The following SUGCT variants were observed in gnomAD, a reference collection of about 807,000 sequenced individuals.
The protein encoded by SUGCT is succinyl-CoA:glutarate-CoA transferase, also known as succinyl-CoA:glutarate CoA-transferase.
Under a neutral mutation model 55.0 loss-of-function variants are expected in SUGCT, and 41 were observed. That is an observed-to-expected ratio of 0.74 (90% CI 0.58 to 0.97). SUGCT has a LOEUF of 0.97. SUGCT is among the 50% of genes least tolerant of loss of function. The pLI is 0.00. For synonymous variants in SUGCT, 187 were observed against 200.4 expected (o/e 0.93, Z 0.56); for missense variants, 568 against 547.8 (o/e 1.04, Z -0.37).
intron 9 of SUGCT, among the ~76,000 whole-genome samples, chr7:40,365,363 T>G (rs1409281038): frequency 6.6e-6 from 1 of 151,794 alleles, no homozygotes; most frequent in Non-Finnish European, 1.5e-5. Context: ...AAGACAGGGA[T>G]GCCCTCTCTC....
intron 6 of SUGCT, among the ~76,000 whole-genome samples, chr7:40,205,496 C>T (rs908397530): frequency 6.6e-6 from 1 of 151,726 alleles, no homozygotes; most frequent in South Asian, 2.1e-4. Context: ...ACAAAATTAA[C>T]CGGGCATGGT....
chr7:40,685,719 A>G (rs1335534677), intron 12 of SUGCT, among the ~76,000 whole-genome samples: 1 of 79,234 alleles, frequency 1.3e-5, no homozygotes, highest in African/African-American at 5.0e-5. Context: ...ACCTTGTGCT[A>G]GTTGGTTATT....
chr7:40,427,627 T>C (rs1308237634), intron 9 of SUGCT, among the ~76,000 whole-genome samples: 1 of 152,160 alleles, frequency 6.6e-6, no homozygotes, highest in African/African-American at 2.4e-5. Flanking sequence ...TTTAACCTCA[T>C]AATCAGTCAT....
chr7:40,162,916 C>A (rs1245027445), intron 1 of SUGCT, among the ~76,000 whole-genome samples: 1 of 152,200 alleles, frequency 6.6e-6, no homozygotes, highest in Non-Finnish European at 1.5e-5. Flanking sequence ...GCCTCTGATG[C>A]CTGGCATCTT....
Position 40,518,442 on chromosome 7 carries a change from T to G in SUGCT, c.1089+22056T>G, listed in dbSNP as rs536075656. On this transcript the variant is annotated intron_variant, in intron 12 of 13. Coordinates refer to ENST00000335693, the MANE Select transcript of SUGCT (RefSeq NM_001193313.2). ...ATAATGAAAGCCAGATTACTTATGT[T>G]GTAGAAAGATGTCATTAATAAACCA... 1.1e-4 allele frequency among the ~76,000 whole-genome samples: 17 copies of G among 152,272 alleles called. 1 individual carries two copies. The South Asian group carries it at 3.5e-3, about 32-fold the overall frequency.
At chr7:40,336,177 G>C (rs999527398) in intron 9 of SUGCT, among the ~76,000 whole-genome samples, 3 of 152,116 alleles carry the variant, frequency 2.0e-5, no homozygotes, top group Non-Finnish European at 2.9e-5. Context: ...TTTTTGCATC[G>C]ATGTTCCTCA....
At chr7:40,922,059 A>G in the SUGCT span, among the ~76,000 whole-genome samples, 1 of 152,174 alleles carries the variant, frequency 6.6e-6, no homozygotes, top group African/African-American at 2.4e-5. Context: ...AAAAAAATGT[A>G]TCTTCCCGTA....
At chr7:40,562,626 A>G (rs965852764) in intron 12 of SUGCT, among the ~76,000 whole-genome samples, 1 of 152,224 alleles carries the variant, frequency 6.6e-6, no homozygotes, top group Non-Finnish European at 1.5e-5. Context: ...GGTATTAATT[A>G]TAATGGAAGC....
chr7:40,457,238 G>A (rs531025150), intron 10 of SUGCT, among the ~76,000 whole-genome samples: 2 of 152,032 alleles, frequency 1.3e-5, no homozygotes, highest in South Asian at 2.1e-4. Context: ...TCAGGAGTTC[G>A]AGACAAGCCT....
At chr7:40,932,752 C>CTT in the SUGCT span, among the ~76,000 whole-genome samples, 5,080 of 127,668 alleles carry the variant, frequency 0.04, 112 homozygotes, top group South Asian at 0.07. Context: ...GCAACCTCTG[C>CTT]TTTTTTTTTT....
intron 9 of SUGCT, among the ~76,000 whole-genome samples, chr7:40,376,499 C>T (rs922320831): frequency 6.6e-6 from 1 of 151,680 alleles, no homozygotes; most frequent in Non-Finnish European, 1.5e-5. Flanking sequence ...TTAAGCGATT[C>T]TCCTGCCTCA....
intron 1 of SUGCT, among the ~76,000 whole-genome samples, chr7:40,144,441 TCTTG>T (rs1788143453): frequency 6.6e-6 from 1 of 152,186 alleles, no homozygotes; most frequent in Admixed American, 6.5e-5. Context: ...GGCGGCGCTT[TCTTG>T]ACTCAGGTGT....
chr7:40,744,203 C>T (rs1787615470), intron 12 of SUGCT, among the ~76,000 whole-genome samples: 1 of 151,990 alleles, frequency 6.6e-6, no homozygotes, highest in South Asian at 2.1e-4. Context: ...GCTGGGATTA[C>T]AGATGTGGGC....
chr7:40,436,210 T>G (rs574678373), intron 9 of SUGCT, among the ~76,000 whole-genome samples: 189 of 152,228 alleles, frequency 1.2e-3, no homozygotes, highest in South Asian at 0.01. Context: ...CCCAAAGTGC[T>G]GGGATTACAG....
intron 9 of SUGCT, among the ~76,000 whole-genome samples, chr7:40,379,799 C>A (rs111378789): frequency 0.013 from 2,028 of 152,294 alleles, 30 homozygotes; most frequent in Middle Eastern, 0.034. Flanking sequence ...GTAGGCCCTT[C>A]TCAAGTTATT....
intron 9 of SUGCT, among the ~76,000 whole-genome samples, chr7:40,398,735 G>A (rs147193968): frequency 9.2e-5 from 14 of 152,152 alleles, no homozygotes; most frequent in East Asian, 3.9e-4. Flanking sequence ...AATAACCACA[G>A]AGTAATGAGA....
intron 13 of SUGCT, among the ~76,000 whole-genome samples, chr7:40,820,684 C>T (rs1354205881): frequency 6.6e-6 from 1 of 152,146 alleles, no homozygotes; most frequent in Non-Finnish European, 1.5e-5. Flanking sequence ...ATGGGGTTTT[C>T]TAAATATACA....
the SUGCT span, among the ~76,000 whole-genome samples, chr7:40,910,427 A>G: frequency 6.6e-6 from 1 of 152,156 alleles, no homozygotes; most frequent in African/African-American, 2.4e-5. Context: ...GTCAAGAGAT[A>G]TTGCAAGGCC....
the SUGCT span, among the ~76,000 whole-genome samples, chr7:40,901,996 G>A: frequency 6.6e-6 from 1 of 152,290 alleles, no homozygotes; most frequent in Non-Finnish European, 1.5e-5. Context: ...TTAAAACACA[G>A]TATCGTTTTC....
Sources: allele counts gnomAD v4.1 joint callset (sites outside exome capture counted in the v4.1 genomes callset), GRCh38; gene constraint gnomAD v4.1.1; transcripts MANE v1.5; gene names NCBI Gene and HGNC (gene_info 2026-07-23, HGNC 2026-07-21).